The following SGCA variants were observed in gnomAD, a reference collection of about 807,000 sequenced individuals.
SGCA encodes alpha-sarcoglycan.
SGCA carries 34 observed loss-of-function variants against 38.1 expected under a neutral mutation model. The observed-to-expected ratio is 0.89, with a 90% CI of 0.68 to 1.19. The LOEUF (loss-of-function observed/expected upper bound fraction) is 1.19. SGCA is among the 50% of genes most tolerant of loss of function. The probability of loss-of-function intolerance (pLI) is 0.00; values close to 1 mark genes in which losing one functional copy is unlikely to be tolerated. For missense variants in SGCA, 476 were observed against 524.9 expected, an observed-to-expected ratio of 0.91 and a Z score of 0.91; for synonymous variants, 209 against 214.6, an observed-to-expected ratio of 0.97 and a Z score of 0.23.
rs766947313 is a variant in SGCA, at chr17:50,175,246, T to G, written c.984-11T>G. ...CTCCCAGAGCTGATGACTCCCCACC[T>G]GTGCCTCCAGCATCCAGATGGTCCA... On this transcript the variant is annotated splice_polypyrimidine_tract_variant and intron_variant, in intron 8 of 9. Coordinates refer to ENST00000262018, the MANE Select transcript of SGCA (RefSeq NM_000023.4). 6 of 1,594,730 alleles carry G rather than the reference T, an allele frequency of 3.8e-6. No homozygotes were observed. The South Asian group carries it at 5.7e-5, about 15-fold the overall frequency.
chr17:50,167,220 C>A lies in SGCA; in HGVS notation c.38-148C>A. 1.8e-6 allele frequency: 2 copies of A among 1,140,528 alleles called. No individual in the cohort carries two copies. The highest frequency in any genetic ancestry group is 1.2e-6 in the Non-Finnish European group (1 of 800,634). The allele number at this position is 1,140,528 out of a possible 1,614,324, so 70.7% of individuals were successfully genotyped here. ...AGCCCAGCAGGGCTTGCTCCCCCAT[C>A]CCCACCCCAATCCCTTCCTGGGAGG... is the stretch of plus-strand genomic sequence containing the variant. On this transcript the variant is annotated intron_variant, in intron 1 of 9. Coordinates refer to ENST00000262018, the MANE Select transcript of SGCA (RefSeq NM_000023.4). This position sits in a 1 kb window ranked among gnomAD's most constrained non-coding sequence, Gnocchi z 4.5.
At position 50,169,099 on chromosome 17, in the gene SGCA, A is replaced by G. The variant is rs375463037; in HGVS notation, c.592A>G (p.Ile198Val). Reference protein sequence around the residue: ...PIEGRKEGVYIKVGSASPFST... With the variant: ...PIEGRKEGVYVKVGSASPFST... ...ACTTCTATCTGGTCCCAGGGTATAC[A>G]TTAAGGTGGGTTCTGCCTCACCTTT... The change falls in exon 6 of 10, where the codon ATT becomes GTT. Residue 198 changes from isoleucine (I) to valine (V), a missense_variant. By Grantham distance (29) the Ile-to-Val change is conservative. Coordinates refer to ENST00000262018, the MANE Select transcript of SGCA (RefSeq NM_000023.4). 9.9e-6 allele frequency: 16 copies of G among 1,613,716 alleles called. No homozygotes were observed. Among genetic ancestry groups the G allele is most frequent in the African/African-American group, 1.3e-5 (1 of 74,878 alleles).
At position 50,167,446 on chromosome 17, in the gene SGCA, C is replaced by A; in HGVS notation, c.116C>A (p.Thr39Asn). The change falls in exon 2 of 10, where the codon ACC (threonine) becomes AAC (asparagine). Residue 39 changes from threonine to asparagine, a missense_variant. Transcript: ENST00000262018. The surrounding 1 kb of genome is among the most constrained non-coding windows in gnomAD (Gnocchi z 4.5). The stretch of plus-strand genomic sequence containing the variant: ...CTTGTGGGCCGTGTCTTTGTGCACA[C>A]CTTGGACCATGAGACGTTTCTGAGC... ...HPLVGRVFVHTLDHETFLSLP... is the reference protein window; with the variant it reads ...HPLVGRVFVHNLDHETFLSLP... 6.2e-7 allele frequency: 1 copy of A among 1,614,168 alleles called. No homozygotes were observed. The highest frequency in any genetic ancestry group is 8.5e-7 in the Non-Finnish European group (1 of 1,180,020).
intron 8 of SGCA, chr17:50,171,755 C>T (rs778123289): frequency 3.3e-5 from 15 of 456,726 alleles, no homozygotes; most frequent in South Asian, 1.2e-4. Flanking sequence ...CTTGAGCACA[C>T]GCTTGAAGTG....
In SGCA at chr17:50,167,319, C is replaced by A. The variant is rs767152322; in HGVS notation, c.38-49C>A. Reference sequence around the variant, plus strand: ...GTGGGGAAGGGAGCTTATCCCCTGCCCAGGACTGAGGCTGGCCTGTGTGTT... The same window carrying A: ...GTGGGGAAGGGAGCTTATCCCCTGCACAGGACTGAGGCTGGCCTGTGTGTT... On this transcript the variant is annotated intron_variant, in intron 1 of 9. Coordinates refer to ENST00000262018, the MANE Select transcript of SGCA (RefSeq NM_000023.4). The surrounding 1 kb of genome is among the most constrained non-coding windows in gnomAD (Gnocchi z 4.5). 129 of 1,613,242 alleles carry A rather than the reference C, an allele frequency of 8.0e-5. No homozygotes were observed. Among genetic ancestry groups the A allele is most frequent in the Non-Finnish European group, 1.1e-4 (127 of 1,179,878 alleles).
At chr17:50,171,853 C>T (rs762771752) in intron 8 of SGCA, 7 of 456,658 alleles carry the variant, frequency 1.5e-5, no homozygotes, top group Non-Finnish European at 2.6e-5. Context: ...TCCCCTTGTC[C>T]GCCACAGCCC....
intron 9 of SGCA, 102 bp downstream of exon 9, chr17:50,175,551 G>A: frequency 9.2e-7 from 1 of 1,091,224 alleles, no homozygotes; most frequent in Non-Finnish European, 1.4e-6. Context: ...AGGGGAAGAG[G>A]CACATAGACT....
rs900862002 is a variant in SGCA at position 50,166,257 on chromosome 17, G to A, written c.37+180G>A. On this transcript the variant is annotated intron_variant, in intron 1 of 9. Coordinates refer to ENST00000262018, the MANE Select transcript of SGCA (RefSeq NM_000023.4). ...GGGGATCCAGGGAATGGGGCTGGGA[G>A]CTGGGCTCTGGGATGAAGGGGCTGG... 22 of 646,666 alleles carry A rather than the reference G, an allele frequency of 3.4e-5. No individual in the cohort carries two copies. The African/African-American group carries it at 3.8e-4, about 11-fold the overall frequency. The allele number at this position is 646,666 out of a possible 1,614,324, so 40.1% of individuals were successfully genotyped here. A position where few individuals can be genotyped will look rare whatever the true frequency, so the allele number is the denominator to read the frequency against.
Position 50,168,465 on chromosome 17 carries a change from A to T in SGCA, c.477A>T (p.Ser159=). 6.3e-7 allele frequency: 1 copy of T among 1,585,356 alleles called. No individual in the cohort carries two copies. Among genetic ancestry groups the T allele is most frequent in the South Asian group, 1.2e-5 (1 of 86,748 alleles). Residue 159 remains serine, a synonymous_variant, in exon 5 of 10, where the codon TCA becomes TCT. Coordinates refer to ENST00000262018, the MANE Select transcript of SGCA (RefSeq NM_000023.4). ...CAACACCTGCCAGCCGCTTCCTCTC[A>T]GCCTTGGGGGGACTCTGGGAGCCCG... is the stretch of plus-strand genomic sequence containing the variant. ...LPSTPASRFL[S]ALGGLWEPGE...
rs1337697358 is a variant in SGCA, at chr17:50,175,843, G to T, written c.*144G>T. ...TAAACAAGCAGGGAGAGGGGGTGGG[G>T]TGGGGTGAGAGTGTGTGGAGTAAGG... On this transcript the variant is annotated 3_prime_UTR_variant, in exon 10 of 10. Transcript: ENST00000262018. 2.1e-6 allele frequency: 1 copy of T among 475,276 alleles called. No homozygotes were observed. Among genetic ancestry groups the T allele is most frequent in the Non-Finnish European group, 4.2e-6 (1 of 239,982 alleles). 29.4% of individuals were successfully genotyped at this position (475,276 alleles called of 1,614,324 possible).
intron 8 of SGCA, 110 bp from the exon 9 acceptor site, chr17:50,175,147 C>A: frequency 1.0e-6 from 1 of 999,048 alleles, no homozygotes; most frequent in Non-Finnish European, 1.5e-6. Context: ...GTCTGAGTCT[C>A]TCCCCACATA....
intron 8 of SGCA, 102 bp from the exon 9 acceptor site, chr17:50,175,155 A>G: frequency 9.5e-7 from 1 of 1,051,794 alleles, no homozygotes. Flanking sequence ...CTCTCCCCAC[A>G]TAAGTGGTGG....
chr17:50,167,902 G>A lies in SGCA; in HGVS notation c.313-45G>A, dbSNP rs775818669. On this transcript the variant is annotated intron_variant, in intron 3 of 9. Coordinates refer to ENST00000262018, the MANE Select transcript of SGCA (RefSeq NM_000023.4). The surrounding 1 kb of genome is among the most constrained non-coding windows in gnomAD (Gnocchi z 4.5). The stretch of plus-strand genomic sequence containing the variant: ...TCCTGCCAGGCCCCCGCTGTGCCAC[G>A]TTTCTCCCCTAACCCACTTCTCAGA... 29 of 1,595,574 alleles carry A rather than the reference G, an allele frequency of 1.8e-5. No homozygotes were observed. The highest frequency in any genetic ancestry group is 4.4e-5 in the South Asian group (4 of 90,688).
rs1017714665 is a variant in SGCA, at chr17:50,167,747, G to A, written c.312+11G>A. 6 of 1,604,712 alleles carry A rather than the reference G, an allele frequency of 3.7e-6. No individual in the cohort carries two copies. The African/African-American group carries it at 5.4e-5, about 14-fold the overall frequency. On this transcript the variant is annotated intron_variant, in intron 3 of 9. Transcript: ENST00000262018. The surrounding 1 kb of genome is among the most constrained non-coding windows in gnomAD (Gnocchi z 4.5). The stretch of plus-strand genomic sequence containing the variant: ...CTCCAGGTCATTGAGGTGCCGTCAG[G>A]GACCCTGAGAAAATCACAGGGGTGG...
chr17:50,171,631 T>A (rs1226820534), intron 8 of SGCA: 1 of 456,738 alleles, frequency 2.2e-6, no homozygotes, highest in Non-Finnish European at 4.4e-6. Context: ...GCGCCACCTC[T>A]GCTGTCGTTG....
intron 8 of SGCA, chr17:50,172,100 C>T (rs1905476280): frequency 2.2e-6 from 1 of 454,880 alleles, no homozygotes; most frequent in Non-Finnish European, 4.4e-6. Context: ...TGGGCTGCCC[C>T]TCACAGGATG....
chr17:50,169,020 C>G (rs779448840), intron 5 of SGCA, 72 bp from the exon 6 acceptor site: 49 of 1,443,456 alleles, frequency 3.4e-5, no homozygotes, highest in Non-Finnish European at 4.7e-5. Context: ...AAAGTTTCAA[C>G]AACCCCTGGC....
At chr17:50,172,033 TG>T (rs1420042001) in intron 8 of SGCA, 1 of 455,994 alleles carries the variant, frequency 2.2e-6, no homozygotes, top group Admixed American at 2.3e-5. Context: ...CTTCTCTCCC[TG>T]GGGTAGGTGA....
In SGCA at chr17:50,175,841, G is replaced by T. The variant is rs1567747154; in HGVS notation, c.*142G>T. 1 of 476,476 alleles carries T rather than the reference G, an allele frequency of 2.1e-6. No individual in the cohort carries two copies. The allele number at this position is 476,476 out of a possible 1,614,324, so 29.5% of individuals were successfully genotyped here. ...TCTAAACAAGCAGGGAGAGGGGGTG[G>T]GGTGGGGTGAGAGTGTGTGGAGTAA... On this transcript the variant is annotated 3_prime_UTR_variant, in exon 10 of 10. Transcript: ENST00000262018.
Sources: gnomAD v4.1 joint callset for allele counts on GRCh38, gnomAD v4.1.1 for gene constraint, Gnocchi (gnomAD v3.1) non-coding constraint, MANE v1.5 for transcripts, NCBI Gene and HGNC (gene_info 2026-07-23, HGNC 2026-07-21) for gene names.